SH3PXD2B: variants seen among roughly 807,000 people sequenced by gnomAD.
SH3PXD2B encodes the protein SH3 and PX domains 2B.
Under a neutral mutation model 73.1 loss-of-function variants are expected in SH3PXD2B, and 37 were observed. The ratio of observed to expected loss-of-function variants is 0.51; its 90% confidence interval spans 0.39 to 0.67. The LOEUF (loss-of-function observed/expected upper bound fraction) is 0.67, where lower values mean the gene tolerates loss of function less well. SH3PXD2B is among the 30% of genes least tolerant of loss of function. The pLI is 0.00. For missense variants in SH3PXD2B, 1,053 were observed against 1,197.8 expected (o/e 0.88, Z 1.78); for synonymous variants, 457 against 480.5 (o/e 0.95, Z 0.64).
Position 172,335,960 on chromosome 5 carries a change from T to C in SH3PXD2B, c.*2409A>G. On this transcript the variant is annotated 3_prime_UTR_variant, in exon 13 of 13. Coordinates refer to ENST00000311601, the MANE Select transcript of SH3PXD2B (RefSeq NM_001017995.3). Reference sequence around the variant, plus strand: ...AAAAGAGAATGGCAGATTCTTTCATTTGCAGGAAAACTTTCTGCCTAGAGG... The same window carrying C: ...AAAAGAGAATGGCAGATTCTTTCATCTGCAGGAAAACTTTCTGCCTAGAGG... 4.6e-6 allele frequency: 5 copies of C among 1,084,218 alleles called. No individual in the cohort carries two copies. Among genetic ancestry groups the C allele is most frequent in the Non-Finnish European group, 5.6e-6 (5 of 894,856 alleles). The allele number at this position is 1,084,218 out of a possible 1,614,324, so 67.2% of individuals were successfully genotyped here.
chr5:172,328,779 T>G (rs1370747675), downstream of SH3PXD2B, among the ~76,000 whole-genome samples: 1 of 151,938 alleles, frequency 6.6e-6, no homozygotes, highest in Admixed American at 6.6e-5. Context: ...TGATCCCTAG[T>G]AGGAGAGAGG....
Position 172,445,830 on chromosome 5 carries a change from C to G in SH3PXD2B, c.75+8448G>C, listed in dbSNP as rs559701488. Among the ~76,000 whole-genome samples the G allele has an allele frequency of 6.6e-6, 1 of 152,352 alleles. No homozygotes were observed. Among genetic ancestry groups the G allele is most frequent in the South Asian group, 2.1e-4 (1 of 4,828 alleles). ...CTGAAGAAGACCCTGGGCTGAGAGTCATGCCCGCCTGCAGGTGTGCATCTG... is the reference window on the plus strand; with the variant it reads ...CTGAAGAAGACCCTGGGCTGAGAGTGATGCCCGCCTGCAGGTGTGCATCTG... On this transcript the variant is annotated intron_variant, in intron 1 of 12. Coordinates refer to ENST00000311601, the MANE Select transcript of SH3PXD2B (RefSeq NM_001017995.3). The surrounding 1 kb of genome is among the most constrained non-coding windows in gnomAD (Gnocchi z 5.2).
chr5:172,327,122 A>T (rs1195115106), intron 12 of SH3PXD2B, among the ~76,000 whole-genome samples: 2 of 152,062 alleles, frequency 1.3e-5, no homozygotes, highest in African/African-American at 4.8e-5. Context: ...GGCCTCCCAA[A>T]GTGTTGGGAT....
At chr5:172,434,795 T>TGTTTTTG (rs1561581324) in intron 1 of SH3PXD2B, among the ~76,000 whole-genome samples, 1 of 150,702 alleles carries the variant, frequency 6.6e-6, no homozygotes, top group Non-Finnish European at 1.5e-5. Flanking sequence ...TTTTTTTTTT[T>TGTTTTTG]TTTTTTCAGA....
Position 172,335,444 on chromosome 5 carries a change from C to T in SH3PXD2B, c.*2925G>A. On this transcript the variant is annotated 3_prime_UTR_variant, in exon 13 of 13. Transcript: ENST00000311601. ...AAAGAACAACAACAACAAAACCAAA[C>T]AAACCCAAACTCGAGATCTCAGTCC... 1 of 1,229,714 alleles carries T rather than the reference C, an allele frequency of 8.1e-7. No homozygotes were observed. The highest frequency in any genetic ancestry group is 1.0e-6 in the Non-Finnish European group (1 of 987,238). 76.2% of individuals were successfully genotyped at this position (1,229,714 alleles called of 1,614,324 possible).
At chr5:172,384,570 T>C (rs548075507) in intron 4 of SH3PXD2B, among the ~76,000 whole-genome samples, 1 of 152,264 alleles carries the variant, frequency 6.6e-6, no homozygotes, top group East Asian at 1.9e-4. Flanking sequence ...TAGGGATTGA[T>C]GATTCCAGGT....
chr5:172,434,791 T>TTTTGTTTTTTG (rs57552318), intron 1 of SH3PXD2B, among the ~76,000 whole-genome samples: 3 of 149,882 alleles, frequency 2.0e-5, no homozygotes, highest in Non-Finnish European at 4.4e-5. Flanking sequence ...GGTTTTTTTT[T>TTTTGTTTTTTG]TTTTTTTTTT....
At chr5:172,368,825 A>G (rs1022569064) in intron 6 of SH3PXD2B, among the ~76,000 whole-genome samples, 4 of 133,484 alleles carry the variant, frequency 3.0e-5, no homozygotes, top group Admixed American at 2.6e-4. Context: ...AAATATATAA[A>G]ATACATTTTT....
downstream of SH3PXD2B, among the ~76,000 whole-genome samples, chr5:172,333,002 G>C (rs10068510): frequency 0.64 from 94,734 of 148,874 alleles, 30,301 homozygotes; most frequent in South Asian, 0.83. Context: ...GTGACGTGAT[G>C]TCGACTCACT....
chr5:172,362,621 T>A, intron 7 of SH3PXD2B, 114 bp downstream of exon 7: 1 of 1,474,520 alleles, frequency 6.8e-7, no homozygotes, highest in Non-Finnish European at 9.5e-7. Context: ...CAGCAGGATC[T>A]ATGGGAACTG....
At position 172,382,537 on chromosome 5, in the gene SH3PXD2B, T is replaced by A. The variant is rs79212308; in HGVS notation, c.310-410A>T. On this transcript the variant is annotated intron_variant, in intron 4 of 12. Coordinates refer to ENST00000311601, the MANE Select transcript of SH3PXD2B (RefSeq NM_001017995.3). ...CATTTCTAAAAAAGTTTCCTGGTGA[T>A]GCTGCTGGTTTGGAGAACAACACAC... is the stretch of plus-strand genomic sequence containing the variant. Among the ~76,000 whole-genome samples the A allele has an allele frequency of 7.7e-3, 1,142 of 147,886 alleles. 17 individuals are homozygous for A. Among genetic ancestry groups the A allele is most frequent in the African/African-American group, 0.027 (1,070 of 39,786 alleles).
At position 172,338,689 on chromosome 5, in the gene SH3PXD2B, G is replaced by T. The variant is rs372034716; in HGVS notation, c.2416C>A (p.Pro806Thr). The change falls in exon 13 of 13, where the codon CCT becomes ACT. Residue 806 changes from proline to threonine, a missense_variant. By Grantham distance (38) the Pro-to-Thr change is conservative. This residue lies in a region of SH3PXD2B where 587 missense variants were observed against 590.7 expected (regional missense o/e 0.99). Coordinates refer to ENST00000311601, the MANE Select transcript of SH3PXD2B (RefSeq NM_001017995.3). The surrounding 1 kb of genome is among the most constrained non-coding windows in gnomAD (Gnocchi z 5.1). ...CCCCCCAAAGAGTTGGAGAGAAAAG[G>T]TTTGGCTTTTGGAGGGACGAGGAGA... is the stretch of plus-strand genomic sequence containing the variant. ...RALLVPPKAK[P>T]FLSNSLGGQD... 3.1e-5 allele frequency: 50 copies of T among 1,614,110 alleles called. No individual in the cohort carries two copies. Among genetic ancestry groups the T allele is most frequent in the East Asian group, 1.1e-4 (5 of 44,892 alleles).
intron 2 of SH3PXD2B, among the ~76,000 whole-genome samples, chr5:172,414,456 TAAAAAAAAAAAAAAAA>T (rs1007937801): frequency 1.3e-5 from 1 of 77,554 alleles, no homozygotes; most frequent in Non-Finnish European, 2.5e-5. Flanking sequence ...GACTCCATCT[TAAAAAAAAAAAAAAAA>T]AAAAAAAAAA....
chr5:172,398,015 C>T (rs1029073462), intron 3 of SH3PXD2B, among the ~76,000 whole-genome samples: 1 of 152,150 alleles, frequency 6.6e-6, no homozygotes, highest in Non-Finnish European at 1.5e-5. Flanking sequence ...CAGCAGTGGC[C>T]GCTCTCTAAA....
At chr5:172,329,083 A>ATATATTTTTTTTTTTTTTTTTT (rs58472514), downstream of SH3PXD2B, among the ~76,000 whole-genome samples, 4 of 61,812 alleles carry the variant, frequency 6.5e-5, no homozygotes, top group African/African-American at 3.1e-4. Context: ...ATATATATAT[A>ATATATTTTTTTTTTTTTTTTTT]TTTTTTTTTT....
downstream of SH3PXD2B, among the ~76,000 whole-genome samples, chr5:172,329,083 A>ATATATTTTT (rs58472514): frequency 4.9e-4 from 30 of 61,808 alleles, 1 homozygote; most frequent in South Asian, 9.9e-4. Flanking sequence ...ATATATATAT[A>ATATATTTTT]TTTTTTTTTT....
intron 6 of SH3PXD2B, among the ~76,000 whole-genome samples, chr5:172,365,529 T>A (rs540841502): frequency 6.6e-6 from 1 of 152,306 alleles, no homozygotes; most frequent in East Asian, 1.9e-4. Flanking sequence ...CAGTCTGACA[T>A]CTCTGGGTGT....
chr5:172,335,611 T>C lies in SH3PXD2B; in HGVS notation c.*2758A>G, dbSNP rs1004641178. On this transcript the variant is annotated 3_prime_UTR_variant, in exon 13 of 13. Coordinates refer to ENST00000311601, the MANE Select transcript of SH3PXD2B (RefSeq NM_001017995.3). Reference sequence around the variant, plus strand: ...TAGGCACTGGTCACCAGCCCGGTGCTTGGCACCATTGTCACGATGGGCCTG... The same window carrying C: ...TAGGCACTGGTCACCAGCCCGGTGCCTGGCACCATTGTCACGATGGGCCTG... 11 of 1,230,526 alleles carry C rather than the reference T, an allele frequency of 8.9e-6. No homozygotes were observed. In the South Asian group the frequency reaches 1.6e-4, roughly 18 times the overall value. 76.2% of individuals were successfully genotyped at this position (1,230,526 alleles called of 1,614,324 possible).
intron 1 of SH3PXD2B, among the ~76,000 whole-genome samples, chr5:172,438,541 G>A (rs1486943494): frequency 6.6e-6 from 1 of 152,192 alleles, no homozygotes. Flanking sequence ...GAGTAACAAT[G>A]CTCGTGAAAT....
Sources: gnomAD v4.1 joint callset for allele counts (sites outside exome capture counted in the v4.1 genomes callset) on GRCh38, gnomAD v4.1.1 for gene constraint, gnomAD v4.1.1 regional missense constraint, Gnocchi (gnomAD v3.1) non-coding constraint, MANE v1.5 for transcripts, NCBI Gene and HGNC (gene_info 2026-07-23, HGNC 2026-07-21) for gene names.